Variants in PHACTR3 observed in about 807,000 individuals in gnomAD.
PHACTR3 encodes phosphatase and actin regulator 3.
PHACTR3 carries 16 observed loss-of-function variants against 66.8 expected under a neutral mutation model. That is an observed-to-expected ratio of 0.24 (90% confidence interval 0.16 to 0.36). The LOEUF is 0.36. Ranked by LOEUF, PHACTR3 falls within the 10% of genes least tolerant of loss-of-function variation. The pLI, the probability that PHACTR3 is intolerant of heterozygous loss-of-function variation, is 1.00. For synonymous variants in PHACTR3, 323 were observed against 292.1 expected, an observed-to-expected ratio of 1.11 and a Z score of -1.08; for missense variants, 647 against 719.9, an observed-to-expected ratio of 0.90 and a Z score of 1.16.
At chr20:59,629,289 C>G (rs1190897925) in intron 1 of PHACTR3, among the ~76,000 whole-genome samples, 3 of 152,194 alleles carry the variant, frequency 2.0e-5, no homozygotes, top group Admixed American at 1.3e-4. Context: ...TCTCTGGTGC[C>G]TGTGGAGGCT....
At chr20:59,632,279 G>A (rs1372135369) in intron 1 of PHACTR3, among the ~76,000 whole-genome samples, 3 of 152,170 alleles carry the variant, frequency 2.0e-5, no homozygotes, top group African/African-American at 7.2e-5. Context: ...GCGTCTGGCT[G>A]GGAAAAGGTG....
intron 1 of PHACTR3, among the ~76,000 whole-genome samples, chr20:59,732,797 T>C (rs1227899726): frequency 6.6e-6 from 1 of 152,184 alleles, no homozygotes; most frequent in Non-Finnish European, 1.5e-5. Flanking sequence ...ATTCACTCGC[T>C]CACTCATTTA....
chr20:59,742,997 T>C (rs2039222660), intron 1 of PHACTR3, 110 bp from the exon 2 acceptor site: 1 of 1,250,294 alleles, frequency 8.0e-7, no homozygotes, highest in Non-Finnish European at 1.1e-6. Context: ...GGTCCAGGCT[T>C]TGGGGGGATC....
chr20:59,595,229 G>A (rs185259026), intron 1 of PHACTR3, among the ~76,000 whole-genome samples: 236 of 152,244 alleles, frequency 1.6e-3, no homozygotes, highest in African/African-American at 5.5e-3. Context: ...TTGGGAGGCC[G>A]AGACGGGTGG....
At chr20:59,794,123 C>CAA (rs71183186) in intron 7 of PHACTR3, among the ~76,000 whole-genome samples, 5,809 of 97,212 alleles carry the variant, frequency 0.06, 706 homozygotes, top group African/African-American at 0.21. Flanking sequence ...GACTCCATCT[C>CAA]AAAAAAAAAA....
intron 4 of PHACTR3, among the ~76,000 whole-genome samples, chr20:59,763,859 T>C (rs1272202577): frequency 6.6e-6 from 1 of 152,004 alleles, no homozygotes; most frequent in East Asian, 1.9e-4. Context: ...GTGTTAAAGA[T>C]GGTGGATGGC....
chr20:59,668,863 G>A (rs860972), intron 1 of PHACTR3, among the ~76,000 whole-genome samples: 23,681 of 146,586 alleles, frequency 0.16, 2,322 homozygotes, highest in East Asian at 0.26. Flanking sequence ...ACCACACACA[G>A]CTAATTTTTT....
chr20:59,832,324 G>C, intron 8 of PHACTR3, among the ~76,000 whole-genome samples: 1 of 152,242 alleles, frequency 6.6e-6, no homozygotes, highest in Non-Finnish European at 1.5e-5. Context: ...TGAAGAGTTA[G>C]CATAGCTTCA....
At chr20:59,684,145 C>A (rs1310440721) in intron 1 of PHACTR3, among the ~76,000 whole-genome samples, 1 of 152,214 alleles carries the variant, frequency 6.6e-6, no homozygotes, top group Admixed American at 6.5e-5. Context: ...GGTTTCACTT[C>A]CCTCTGGGCA....
chr20:59,595,993 C>A (rs183087308), intron 1 of PHACTR3, among the ~76,000 whole-genome samples: 36 of 152,332 alleles, frequency 2.4e-4, no homozygotes, highest in Admixed American at 2.2e-3. Context: ...GAACACACCT[C>A]TGTAGGCAGA....
chr20:59,756,537 C>T (rs1025249708), intron 4 of PHACTR3, among the ~76,000 whole-genome samples: 1 of 152,154 alleles, frequency 6.6e-6, no homozygotes, highest in African/African-American at 2.4e-5. Flanking sequence ...GTGGCCGTGT[C>T]TCTCCAGTTT....
At chr20:59,633,996 T>G (rs1353822498) in intron 1 of PHACTR3, among the ~76,000 whole-genome samples, 1 of 152,240 alleles carries the variant, frequency 6.6e-6, no homozygotes, top group Non-Finnish European at 1.5e-5. Flanking sequence ...ATAACATTAC[T>G]GGGAAATGTC....
intron 1 of PHACTR3, chr20:59,676,856 C>G (rs975355720): frequency 9.7e-6 from 4 of 413,302 alleles, no homozygotes; most frequent in Non-Finnish European, 1.3e-5. Context: ...TTTGCAAATT[C>G]TAGCAGCAGC....
intron 7 of PHACTR3, 82 bp downstream of exon 7, chr20:59,774,572 C>T: frequency 6.6e-7 from 1 of 1,522,728 alleles, no homozygotes; most frequent in Non-Finnish European, 8.8e-7. Flanking sequence ...AGAGCTCGTG[C>T]CTGGGGGAGG....
intron 1 of PHACTR3, among the ~76,000 whole-genome samples, chr20:59,710,244 A>G (rs1300544767): frequency 6.6e-6 from 1 of 152,240 alleles, no homozygotes; most frequent in Non-Finnish European, 1.5e-5. Context: ...AGAATGGAAA[A>G]GATAGATGTG....
intron 1 of PHACTR3, among the ~76,000 whole-genome samples, chr20:59,666,652 CAGAG>C (rs956139504): frequency 1.3e-5 from 2 of 151,496 alleles, no homozygotes; most frequent in South Asian, 2.1e-4. Flanking sequence ...GAGACAAAGA[CAGAG>C]AGATAGAGAA....
At chr20:59,737,771 A>T (rs536166630) in intron 1 of PHACTR3, among the ~76,000 whole-genome samples, 2,934 of 152,218 alleles carry the variant, frequency 0.019, 97 homozygotes, top group African/African-American at 0.068. Flanking sequence ...ACCTCTGCAC[A>T]CCCTGTGCCT....
intron 1 of PHACTR3, among the ~76,000 whole-genome samples, chr20:59,737,782 A>C (rs1269287740): frequency 2.0e-5 from 3 of 152,138 alleles, no homozygotes; most frequent in East Asian, 3.9e-4. Context: ...CCCTGTGCCT[A>C]TTAGGATACA....
chr20:59,677,113 C>T (rs2036475375), intron 1 of PHACTR3, among the ~76,000 whole-genome samples: 1 of 152,124 alleles, frequency 6.6e-6, no homozygotes, highest in Non-Finnish European at 1.5e-5. Flanking sequence ...AAAAATTCCC[C>T]TCAGATGCCT....
Sources: gnomAD v4.1 joint callset for allele counts (sites outside exome capture counted in the v4.1 genomes callset) on GRCh38, gnomAD v4.1.1 for gene constraint, MANE v1.5 for transcripts, NCBI Gene and HGNC (gene_info 2026-07-23, HGNC 2026-07-21) for gene names.